Variants in ATP10B observed in about 807,000 individuals in gnomAD.
The protein encoded by ATP10B is phospholipid-transporting ATPase VB.
In ATP10B, 122 loss-of-function variants were observed where a neutral mutation model predicts 141.2. The observed-to-expected ratio is 0.86, with a 90% CI of 0.75 to 1.00. ATP10B has a LOEUF of 1.00. Among genes scored for constraint, ATP10B ranks in the 50% least tolerant of loss-of-function variants. The probability of loss-of-function intolerance (pLI) is 0.00; values close to 1 mark genes in which losing one functional copy is unlikely to be tolerated. For synonymous variants in ATP10B, 685 were observed against 692.0 expected, an observed-to-expected ratio of 0.99 and a Z score of 0.16; for missense variants, 1,876 against 1,825.3, an observed-to-expected ratio of 1.03 and a Z score of -0.51.
chr5:160,587,648 C>A (rs549705320), intron 24 of ATP10B, among the ~76,000 whole-genome samples: 1 of 152,276 alleles, frequency 6.6e-6, no homozygotes, highest in Admixed American at 6.5e-5. Flanking sequence ...CCTTCACTTC[C>A]ATTGTTAGCT....
intron 1 of ATP10B, among the ~76,000 whole-genome samples, chr5:160,842,192 C>T (rs1775850890): frequency 2.0e-5 from 3 of 152,018 alleles, no homozygotes; most frequent in South Asian, 4.2e-4. Context: ...AAACATTTTC[C>T]CCTAAGTTTG....
intron 8 of ATP10B, among the ~76,000 whole-genome samples, chr5:160,644,590 A>T (rs1351592540): frequency 6.6e-6 from 1 of 152,178 alleles, no homozygotes; most frequent in African/African-American, 2.4e-5. Context: ...GAAGTCAGCC[A>T]AAACCCACCA....
chr5:160,663,090 T>C (rs1412013707), intron 7 of ATP10B, among the ~76,000 whole-genome samples: 1 of 152,166 alleles, frequency 6.6e-6, no homozygotes, highest in Non-Finnish European at 1.5e-5. Context: ...CACAATGAGA[T>C]ACCATCTCAC....
intron 5 of ATP10B, chr5:160,687,087 A>C (rs1234685727): frequency 3.0e-6 from 1 of 337,472 alleles, no homozygotes; most frequent in Admixed American, 6.5e-5. Context: ...TCTCTCTTTC[A>C]TGTTGTACTT....
At chr5:160,612,211 C>T (rs935004334) in intron 18 of ATP10B, 2 of 152,250 alleles carry the variant, frequency 1.3e-5, no homozygotes, top group African/African-American at 4.8e-5. Flanking sequence ...ACCAGCTTGA[C>T]ATATAAATTG....
rs77567751 is a variant in ATP10B, at chr5:160,707,388, A to C, written c.-205+9521T>G. Among the ~76,000 whole-genome samples the C allele has an allele frequency of 1.0e-2, 1,516 of 152,302 alleles. 26 individuals are homozygous for C. The highest frequency in any genetic ancestry group is 0.035 in the African/African-American group (1,451 of 41,562). On this transcript the variant is annotated intron_variant, in intron 3 of 25. Coordinates refer to ENST00000327245, the MANE Select transcript of ATP10B (RefSeq NM_025153.3). ...TTGCTGGACAGTGATCTGGCTTTTT[A>C]AGGTAGGAACCCTGGTCTCTTGATG...
Position 160,565,718 on chromosome 5 carries a change from C to T in ATP10B, c.4121G>A (p.Gly1374Glu). 1 of 1,614,022 alleles carries T rather than the reference C, an allele frequency of 6.2e-7. No homozygotes were observed. The highest frequency in any genetic ancestry group is 8.5e-7 in the Non-Finnish European group (1 of 1,179,978). Reference sequence around the variant, plus strand: ...TGGGGTGCTGGCACTGAAGTCCTGTCCTGTGATAGATGACACTGGGTGGTG... The same window carrying T: ...TGGGGTGCTGGCACTGAAGTCCTGTTCTGTGATAGATGACACTGGGTGGTG... ...PTHHPVSSITGQDFSASTPKS... is the reference protein window; with the variant it reads ...PTHHPVSSITEQDFSASTPKS... Residue 1374 changes from glycine to glutamate, a missense_variant, in exon 26 of 26, where the codon GGA (glycine) becomes GAA (glutamate). Coordinates refer to ENST00000327245, the MANE Select transcript of ATP10B (RefSeq NM_025153.3).
At chr5:160,832,640 A>G (rs1050355965) in intron 1 of ATP10B, among the ~76,000 whole-genome samples, 24 of 152,152 alleles carry the variant, frequency 1.6e-4, no homozygotes, top group African/African-American at 5.8e-4. Flanking sequence ...CTCTTAAGAT[A>G]CATTTGCTCC....
At position 160,634,536 on chromosome 5, in the gene ATP10B, T is replaced by G; in HGVS notation, c.1199A>C (p.Asn400Thr). The change falls in exon 12 of 26, where the codon AAT (asparagine) becomes ACT (threonine). Residue 400 changes from asparagine to threonine, a missense_variant. Physicochemically the swap from Asn to Thr is moderately conservative, Grantham distance 65. Coordinates refer to ENST00000327245, the MANE Select transcript of ATP10B (RefSeq NM_025153.3). ...VKLGQVFFLS[N>T]DLDLYDEETD... ...CTCTTCATCATACAGGTCAAGGTCA[T>G]TGCTCAAGAAGAACACTTGCCCGAG... is the stretch of plus-strand genomic sequence containing the variant. 1 of 1,614,130 alleles carries G rather than the reference T, an allele frequency of 6.2e-7. No homozygotes were observed. The highest frequency in any genetic ancestry group is 8.5e-7 in the Non-Finnish European group (1 of 1,180,018).
At chr5:160,649,098 G>T in intron 8 of ATP10B, 73 bp downstream of exon 8, 3 of 1,098,324 alleles carry the variant, frequency 2.7e-6, no homozygotes, top group Non-Finnish European at 4.1e-6. Context: ...TATTTGTTTG[G>T]TCATTTCTAG....
intron 11 of ATP10B, 111 bp from the exon 12 acceptor site, chr5:160,634,717 G>T: frequency 8.6e-7 from 1 of 1,161,420 alleles, no homozygotes. Flanking sequence ...CAGCTCACAG[G>T]ACAGACTCTC....
chr5:160,851,411 A>G (rs1005248532), intron 1 of ATP10B, among the ~76,000 whole-genome samples: 2 of 152,134 alleles, frequency 1.3e-5, no homozygotes, highest in Non-Finnish European at 2.9e-5. Context: ...ACTTAGGGAA[A>G]AAACACATTT....
At chr5:160,863,350 T>C in the ATP10B span, among the ~76,000 whole-genome samples, 1 of 151,800 alleles carries the variant, frequency 6.6e-6, no homozygotes, top group Non-Finnish European at 1.5e-5. Flanking sequence ...AACCAAAGAA[T>C]GGAAGATGGA....
At position 160,591,043 on chromosome 5, in the gene ATP10B, G is replaced by C; in HGVS notation, c.3645+16C>G. ...CTCTGCAATTTATGTGGTTAGAATG[G>C]GACTACATGACTTACCAGGTAAGGG... On this transcript the variant is annotated intron_variant, in intron 23 of 25. Transcript: ENST00000327245. 6.2e-7 allele frequency: 1 copy of C among 1,603,060 alleles called. No individual in the cohort carries two copies. Among genetic ancestry groups the C allele is most frequent in the South Asian group, 1.1e-5 (1 of 90,816 alleles).
At chr5:160,822,989 C>CATATATATATATATATATATAT (rs773879988) in intron 1 of ATP10B, among the ~76,000 whole-genome samples, 1 of 69,706 alleles carries the variant, frequency 1.4e-5, no homozygotes, top group African/African-American at 4.8e-5. Flanking sequence ...ATTACATATA[C>CATATATATATATATATATATAT]ATATATATAT....
At chr5:160,852,293 A>G (rs1444840211), upstream of ATP10B, 3 of 152,204 alleles carry the variant, frequency 2.0e-5, no homozygotes, top group East Asian at 1.9e-4. Flanking sequence ...GAACATTTAC[A>G]TTGTTAGACA....
In ATP10B at chr5:160,820,674, A is replaced by G. The variant is rs561454643; in HGVS notation, c.-576+31267T>C. Among the ~76,000 whole-genome samples, 8 of 152,246 alleles carry G rather than the reference A, an allele frequency of 5.3e-5. No homozygotes were observed. The South Asian group carries it at 1.4e-3, about 28-fold the overall frequency. On this transcript the variant is annotated intron_variant, in intron 1 of 25. Coordinates refer to ENST00000327245, the MANE Select transcript of ATP10B (RefSeq NM_025153.3). Reference sequence around the variant, plus strand: ...ATTAGCAAACCAAATTAAACAACACATTGAAAAGATCATTCATCATGACCA... The same window carrying G: ...ATTAGCAAACCAAATTAAACAACACGTTGAAAAGATCATTCATCATGACCA...
chr5:160,657,256 G>C (rs562408040), intron 7 of ATP10B, among the ~76,000 whole-genome samples: 9 of 152,252 alleles, frequency 5.9e-5, no homozygotes, highest in African/African-American at 2.2e-4. Context: ...GGTGATTGAG[G>C]TTTTCTTCCT....
intron 2 of ATP10B, among the ~76,000 whole-genome samples, chr5:160,719,127 A>G (rs954142835): frequency 7.9e-5 from 12 of 152,204 alleles, no homozygotes; most frequent in African/African-American, 2.9e-4. Context: ...GCGGCCGGGC[A>G]CGGTGGCTCA....
Sources: allele counts gnomAD v4.1 joint callset (sites outside exome capture counted in the v4.1 genomes callset), GRCh38; gene constraint gnomAD v4.1.1; transcripts MANE v1.5; gene names NCBI Gene and HGNC (gene_info 2026-07-23, HGNC 2026-07-21).